ASXL1: variants seen among roughly 807,000 people sequenced by gnomAD.
The protein encoded by ASXL1 is polycomb group protein ASXL1.
Under a neutral mutation model 89.1 loss-of-function variants are expected in ASXL1, and 65 were observed. The observed-to-expected ratio is 0.73, with a 90% CI of 0.60 to 0.90. The LOEUF (loss-of-function observed/expected upper bound fraction) is 0.90. ASXL1 is among the 40% of genes least tolerant of loss of function. The probability of loss-of-function intolerance (pLI) is 0.00; values close to 1 mark genes in which losing one functional copy is unlikely to be tolerated. For missense variants in ASXL1, 1,786 were observed against 1,942.9 expected (o/e 0.92, Z 1.52); for synonymous variants, 739 against 746.9 (o/e 0.99, Z 0.17).
chr20:32,422,580 AT>A (rs11167168), intron 4 of ASXL1, among the ~76,000 whole-genome samples: 39,521 of 108,086 alleles, frequency 0.37, 7,186 homozygotes, highest in East Asian at 0.71. Context: ...GGATTGGTTA[AT>A]TTTTTTTTTT....
intron 4 of ASXL1, among the ~76,000 whole-genome samples, chr20:32,415,542 C>T (rs1279901815): frequency 1.3e-5 from 2 of 152,166 alleles, no homozygotes; most frequent in Non-Finnish European, 2.9e-5. Context: ...AAACAGTTCT[C>T]CTGTTCTCAG....
chr20:32,408,982 TA>T (rs1253536210), intron 4 of ASXL1, among the ~76,000 whole-genome samples: 1 of 152,274 alleles, frequency 6.6e-6, no homozygotes. Context: ...TAAATTAATT[TA>T]TTTTTTTGAG....
chr20:32,438,942 G>C lies in ASXL1; in HGVS notation c.*1604G>C. On this transcript the variant is annotated 3_prime_UTR_variant, in exon 13 of 13. Transcript: ENST00000375687. ...ATATCTTGTATTTCGACTTATTACA[G>C]AGTTGAGGGTTCTTGCTTAATTTAG... The C allele has an allele frequency of 1.7e-5, 4 of 233,588 alleles. No homozygotes were observed. The highest frequency in any genetic ancestry group is 3.4e-5 in the Non-Finnish European group (4 of 118,052). 14.5% of individuals were successfully genotyped at this position (233,588 alleles called of 1,614,324 possible).
intron 4 of ASXL1, among the ~76,000 whole-genome samples, chr20:32,397,461 A>G (rs1287083980): frequency 8.7e-6 from 1 of 114,544 alleles, no homozygotes; most frequent in Non-Finnish European, 1.8e-5. Flanking sequence ...GTGCAGTGGC[A>G]TGATCTCGGC....
At chr20:32,362,431 TC>T (rs2048131127) in intron 1 of ASXL1, among the ~76,000 whole-genome samples, 1 of 152,014 alleles carries the variant, frequency 6.6e-6, no homozygotes, top group African/African-American at 2.4e-5. Flanking sequence ...GGTCAGGAGA[TC>T]GAGACCATCC....
rs2145356755 is a variant in ASXL1 at position 32,434,497 on chromosome 20, C to T, written c.1785C>T (p.Pro595=). 1 of 1,614,100 alleles carries T rather than the reference C, an allele frequency of 6.2e-7. No homozygotes were observed. Among genetic ancestry groups the T allele is most frequent in the African/African-American group, 1.3e-5 (1 of 75,050 alleles). Residue 595 remains proline, a synonymous_variant, in exon 13 of 13, where the codon CCC becomes CCT. Transcript: ENST00000375687. ...VKGQPTYQIC[P]RIIPTTESSC... is the part of the protein sequence containing the mutation. ...GTCAGCCCACTTACCAGATATGCCCCCGGATCATCCCCACCACGGAGTCCT... is the reference window on the plus strand; with the variant it reads ...GTCAGCCCACTTACCAGATATGCCCTCGGATCATCCCCACCACGGAGTCCT...
chr20:32,372,291 A>G, intron 4 of ASXL1: 1 of 1,233,324 alleles, frequency 8.1e-7, no homozygotes, highest in East Asian at 3.9e-5. Context: ...AGATGTGCTA[A>G]TTGAATATTT....
chr20:32,421,591 G>A (rs1367189241), intron 4 of ASXL1, among the ~76,000 whole-genome samples: 1 of 152,040 alleles, frequency 6.6e-6, no homozygotes, highest in African/African-American at 2.4e-5. Context: ...ATTCATAATA[G>A]CTAGAACCTG....
intron 4 of ASXL1, among the ~76,000 whole-genome samples, chr20:32,393,401 G>C (rs1057402141): frequency 6.6e-6 from 1 of 152,142 alleles, no homozygotes; most frequent in Admixed American, 6.6e-5. Context: ...ATGTGTTTGG[G>C]ATCTTGCTTT....
chr20:32,380,994 G>A (rs950529472), intron 4 of ASXL1, among the ~76,000 whole-genome samples: 10 of 152,066 alleles, frequency 6.6e-5, no homozygotes, highest in African/African-American at 2.4e-4. Flanking sequence ...CATTCTAACT[G>A]GTCATTATTC....
intron 1 of ASXL1, among the ~76,000 whole-genome samples, chr20:32,362,491 C>T (rs1175571768): frequency 6.6e-6 from 1 of 151,934 alleles, no homozygotes; most frequent in African/African-American, 2.4e-5. Context: ...AAAAAATTAG[C>T]CAGGCGTGGT....
At chr20:32,412,838 C>T (rs902503229) in intron 4 of ASXL1, among the ~76,000 whole-genome samples, 10 of 151,994 alleles carry the variant, frequency 6.6e-5, no homozygotes, top group African/African-American at 2.2e-4. Flanking sequence ...GGATTATAGG[C>T]GTGAGCCACT....
Position 32,436,891 on chromosome 20 carries a change from G to A in ASXL1, c.4179G>A (p.Leu1393=), listed in dbSNP as rs201053008. 26 of 1,614,200 alleles carry A rather than the reference G, an allele frequency of 1.6e-5. No homozygotes were observed. Among genetic ancestry groups the A allele is most frequent in the Middle Eastern group, 3.3e-4 (2 of 6,062 alleles). ...GGAAAGCTACTGGGCATAGTCCCCTGGAACTGGTGGGTCACTTGGAAGGGA... is the reference window on the plus strand; with the variant it reads ...GGAAAGCTACTGGGCATAGTCCCCTAGAACTGGTGGGTCACTTGGAAGGGA... ...ENRKATGHSP[L]ELVGHLEGMP... The change falls in exon 13 of 13, where the codon CTG becomes CTA. Residue 1393 remains leucine, a synonymous_variant. Transcript: ENST00000375687.
rs1384877310 is a variant in ASXL1 at position 32,436,838 on chromosome 20, G to T, written c.4126G>T (p.Gly1376Cys). The part of the protein sequence containing the change: ...SVKNEKTFVG[G>C]PLKANAENRK... ...CAAGAATGAGAAGACTTTTGTGGGGGGTCCTCTTAAGGCAAATGCCGAGAA... is the reference window on the plus strand; with the variant it reads ...CAAGAATGAGAAGACTTTTGTGGGGTGTCCTCTTAAGGCAAATGCCGAGAA... Residue 1376 changes from glycine (G) to cysteine (C), a missense_variant, in exon 13 of 13, where the codon GGT (glycine) becomes TGT (cysteine). By Grantham distance (159) the Gly-to-Cys change is radical. Coordinates refer to ENST00000375687, the MANE Select transcript of ASXL1 (RefSeq NM_015338.6). The T allele has an allele frequency of 6.2e-7, 1 of 1,614,172 alleles. No homozygotes were observed. Among genetic ancestry groups the T allele is most frequent in the Non-Finnish European group, 8.5e-7 (1 of 1,180,024 alleles).
At chr20:32,426,107 G>A (rs2011274539) in intron 4 of ASXL1, among the ~76,000 whole-genome samples, 1 of 152,058 alleles carries the variant, frequency 6.6e-6, no homozygotes, top group African/African-American at 2.4e-5. Flanking sequence ...TGAATAGGAG[G>A]TCTTAATTTT....
intron 4 of ASXL1, among the ~76,000 whole-genome samples, chr20:32,410,992 A>T (rs1426877864): frequency 2.1e-5 from 3 of 141,546 alleles, no homozygotes; most frequent in Non-Finnish European, 3.0e-5. Flanking sequence ...AGATCGTGCC[A>T]CTGCACTCCA....
chr20:32,371,917 C>T, intron 4 of ASXL1: 1 of 362,166 alleles, frequency 2.8e-6, no homozygotes, highest in South Asian at 2.4e-5. Context: ...TCATATATAG[C>T]TTATTGTTAC....
At chr20:32,385,777 A>AT (rs1246944150) in intron 4 of ASXL1, among the ~76,000 whole-genome samples, 6 of 151,988 alleles carry the variant, frequency 3.9e-5, no homozygotes, top group African/African-American at 1.4e-4. Flanking sequence ...GGCCAGAGGG[A>AT]TTTTTTTCAA....
intron 4 of ASXL1, among the ~76,000 whole-genome samples, chr20:32,373,023 C>T (rs2048325123): frequency 6.6e-6 from 1 of 150,980 alleles, no homozygotes; most frequent in African/African-American, 2.4e-5. Flanking sequence ...GCGATCCACC[C>T]ACCTCAGCCT....
Sources: gnomAD v4.1 joint callset for allele counts (sites outside exome capture counted in the v4.1 genomes callset) on GRCh38, gnomAD v4.1.1 for gene constraint, MANE v1.5 for transcripts, NCBI Gene and HGNC (gene_info 2026-07-23, HGNC 2026-07-21) for gene names.